The following AGBL4 variants were observed in gnomAD, a reference collection of about 807,000 sequenced individuals.
AGBL4 encodes the protein AGBL carboxypeptidase 4.
AGBL4 carries 58 observed loss-of-function variants against 66.4 expected under a neutral mutation model. That is an observed-to-expected ratio of 0.87 (90% CI 0.71 to 1.09). AGBL4 has a LOEUF of 1.09. AGBL4 is among the 50% of genes least tolerant of loss of function. The pLI, the probability that AGBL4 is intolerant of heterozygous loss-of-function variation, is 0.00. For missense variants in AGBL4, 579 were observed against 631.0 expected, an observed-to-expected ratio of 0.92 and a Z score of 0.88; for synonymous variants, 234 against 222.9, an observed-to-expected ratio of 1.05 and a Z score of -0.44.
At chr1:49,383,040 T>G (rs573532501) in intron 3 of AGBL4, among the ~76,000 whole-genome samples, 3 of 152,310 alleles carry the variant, frequency 2.0e-5, no homozygotes, top group African/African-American at 7.2e-5. Context: ...ATAATAATCC[T>G]CTTTACAGTA....
At chr1:49,245,904 C>T (rs1226105047) in intron 3 of AGBL4, 40 bp from the exon 4 acceptor site, 8 of 1,391,422 alleles carry the variant, frequency 5.7e-6, no homozygotes, top group Admixed American at 2.0e-5. Flanking sequence ...TTATGCTATG[C>T]AAATTGTAAC....
intron 7 of AGBL4, among the ~76,000 whole-genome samples, chr1:48,662,914 C>T (rs748675106): frequency 3.9e-5 from 6 of 152,166 alleles, no homozygotes; most frequent in Non-Finnish European, 7.3e-5. Context: ...GTTCAGCCCT[C>T]CCTGTTCATT....
chr1:50,001,380 T>C (rs1320454228), intron 1 of AGBL4, among the ~76,000 whole-genome samples: 2 of 151,498 alleles, frequency 1.3e-5, no homozygotes, highest in African/African-American at 4.8e-5. Context: ...TTACCTTACA[T>C]CTCTGGTGAA....
intron 1 of AGBL4, among the ~76,000 whole-genome samples, chr1:49,907,293 C>T (rs1316621849): frequency 6.6e-6 from 1 of 152,050 alleles, no homozygotes; most frequent in Non-Finnish European, 1.5e-5. Context: ...AAGGGTTCCT[C>T]CTATCCAAGA....
At chr1:49,591,306 CACAATGGGGAATG>C (rs1230690569) in intron 3 of AGBL4, among the ~76,000 whole-genome samples, 2 of 149,336 alleles carry the variant, frequency 1.3e-5, no homozygotes, top group Admixed American at 1.3e-4. Flanking sequence ...CACAAATTAT[CACAATGGGGAATG>C]AAAGAAGAAA....
At chr1:49,624,342 T>C (rs914288514) in intron 3 of AGBL4, among the ~76,000 whole-genome samples, 1 of 152,184 alleles carries the variant, frequency 6.6e-6, no homozygotes, top group Non-Finnish European at 1.5e-5. Flanking sequence ...ATCATAAAAT[T>C]AGAAGGCTGA....
intron 4 of AGBL4, among the ~76,000 whole-genome samples, chr1:49,075,317 G>A (rs1010732994): frequency 6.6e-6 from 1 of 152,060 alleles, no homozygotes; most frequent in Non-Finnish European, 1.5e-5. Context: ...CATGCCATAA[G>A]GTTTTGTACA....
intron 3 of AGBL4, among the ~76,000 whole-genome samples, chr1:49,471,277 T>C (rs542622547): frequency 1.3e-5 from 2 of 152,168 alleles, no homozygotes; most frequent in Admixed American, 1.3e-4. Flanking sequence ...TCTAGTGTTT[T>C]ATTTAAACAC....
intron 5 of AGBL4, among the ~76,000 whole-genome samples, chr1:48,899,116 T>C (rs115495803): frequency 0.028 from 4,230 of 152,288 alleles, 185 homozygotes; most frequent in African/African-American, 0.097. Flanking sequence ...CGCACCGTCG[T>C]GAAGCCCCCG....
chr1:49,129,607 T>G (rs1645844908), intron 4 of AGBL4, among the ~76,000 whole-genome samples: 1 of 152,108 alleles, frequency 6.6e-6, no homozygotes, highest in African/African-American at 2.4e-5. Context: ...AATGATGATT[T>G]CCAATTTCAT....
chr1:49,959,389 A>C (rs1031531630), intron 1 of AGBL4, among the ~76,000 whole-genome samples: 2 of 152,076 alleles, frequency 1.3e-5, no homozygotes, highest in Non-Finnish European at 2.9e-5. Context: ...CAGATCCTGG[A>C]TATTTTGAAA....
At chr1:48,851,654 G>T (rs1647035062) in intron 6 of AGBL4, among the ~76,000 whole-genome samples, 1 of 152,146 alleles carries the variant, frequency 6.6e-6, no homozygotes, top group African/African-American at 2.4e-5. Context: ...TCTCTAACAA[G>T]CCAGTTTTCT....
At chr1:48,645,152 G>A (rs1392437961) in intron 8 of AGBL4, among the ~76,000 whole-genome samples, 3 of 152,172 alleles carry the variant, frequency 2.0e-5, no homozygotes, top group Admixed American at 6.5e-5. Flanking sequence ...GTGCACTTGT[G>A]GGTTAGACAC....
chr1:49,710,239 A>C (rs547344743), intron 2 of AGBL4, among the ~76,000 whole-genome samples: 1 of 152,308 alleles, frequency 6.6e-6, no homozygotes, highest in African/African-American at 2.4e-5. Context: ...GCACATATAC[A>C]CCATGGAATA....
intron 2 of AGBL4, among the ~76,000 whole-genome samples, chr1:49,842,586 T>C (rs987682451): frequency 6.6e-6 from 1 of 152,190 alleles, no homozygotes; most frequent in African/African-American, 2.4e-5. Flanking sequence ...AGTCCTCATC[T>C]CCACTGAATT....
Position 49,393,250 on chromosome 1 carries a change from T to C in AGBL4, c.283-147386A>G, listed in dbSNP as rs1570605690. On this transcript the variant is annotated intron_variant, in intron 3 of 13. Transcript: ENST00000371839. ...GTAATAGAAAAAGTAAAATAATAAA[T>C]ATAACAACAGTAATAATGACAACAG... Among the ~76,000 whole-genome samples the C allele has an allele frequency of 2.0e-5, 3 of 152,000 alleles. No homozygotes were observed. The South Asian group carries it at 6.2e-4, about 31-fold the overall frequency.
intron 6 of AGBL4, among the ~76,000 whole-genome samples, chr1:48,799,923 C>T (rs537700605): frequency 1.3e-5 from 2 of 152,220 alleles, no homozygotes; most frequent in Non-Finnish European, 2.9e-5. Context: ...AGGATTTTTC[C>T]ATCTATGTTC....
At chr1:49,603,748 T>C (rs1645010611) in intron 3 of AGBL4, among the ~76,000 whole-genome samples, 2 of 152,010 alleles carry the variant, frequency 1.3e-5, no homozygotes, top group African/African-American at 2.4e-5. Flanking sequence ...CCAGTGTCCA[T>C]TATACCACTC....
chr1:49,380,632 G>A (rs566008880), intron 3 of AGBL4, among the ~76,000 whole-genome samples: 28 of 152,168 alleles, frequency 1.8e-4, no homozygotes, highest in Non-Finnish European at 1.5e-5. Flanking sequence ...GCATGGTACT[G>A]GTACCAAAAC....
Sources: allele counts gnomAD v4.1 joint callset (sites outside exome capture counted in the v4.1 genomes callset), GRCh38; gene constraint gnomAD v4.1.1; transcripts MANE v1.5; gene names NCBI Gene and HGNC (gene_info 2026-07-23, HGNC 2026-07-21).